Variants in DLC1 observed in about 807,000 individuals in gnomAD.
DLC1 encodes rho GTPase-activating protein 7.
Under a neutral mutation model 140.3 loss-of-function variants are expected in DLC1, and 54 were observed. The ratio of observed to expected loss-of-function variants is 0.38; its 90% CI spans 0.31 to 0.48. The LOEUF is 0.48. DLC1 is among the 20% of genes least tolerant of loss of function. The probability of loss-of-function intolerance (pLI) is 0.96; values close to 1 mark genes in which losing one functional copy is unlikely to be tolerated. For missense variants in DLC1, 2,536 were observed against 1,907.0 expected (o/e 1.33, Z -6.14); for synonymous variants, 986 against 728.1 (o/e 1.35, Z -5.70).
intron 5 of DLC1, among the ~76,000 whole-genome samples, chr8:13,275,292 G>T (rs1831114855): frequency 6.6e-6 from 1 of 152,212 alleles, no homozygotes; most frequent in African/African-American, 2.4e-5. Flanking sequence ...GGACAATTAT[G>T]TGAAAATCAA....
chr8:13,209,543 A>T (rs1174147977), intron 5 of DLC1, among the ~76,000 whole-genome samples: 1 of 152,104 alleles, frequency 6.6e-6, no homozygotes, highest in African/African-American at 2.4e-5. Context: ...TACAGTTTGG[A>T]TGTTGTCCCT....
rs74684950 is a variant in DLC1 at position 13,540,692 on chromosome 8, G to T, written c.-125-40496C>A. ...CTGAAGTATGGCACTAATTATTTCT[G>T]AGATTAGTAATGAGGCTGTGAAGAC... On this transcript the variant is annotated intron_variant, in intron 1 of 1. Coordinates refer to the DLC1 transcript ENST00000631382. Among the ~76,000 whole-genome samples, 488 of 152,278 alleles carry T rather than the reference G, an allele frequency of 3.2e-3. 3 individuals are homozygous for T. The highest frequency in any genetic ancestry group is 0.011 in the African/African-American group (466 of 41,554).
chr8:13,136,295 A>G (rs561606866), intron 5 of DLC1, among the ~76,000 whole-genome samples: 1 of 152,268 alleles, frequency 6.6e-6, no homozygotes, highest in South Asian at 2.1e-4. Flanking sequence ...TACTAATCAT[A>G]GTACCTAACA....
intron 5 of DLC1, among the ~76,000 whole-genome samples, chr8:13,153,592 G>C (rs771972403): frequency 1.3e-5 from 2 of 152,188 alleles, no homozygotes; most frequent in African/African-American, 2.4e-5. Flanking sequence ...TTTACAGAGA[G>C]CTGATTGGTT....
At chr8:13,429,456 A>T (rs1333332311) in intron 2 of DLC1, among the ~76,000 whole-genome samples, 1 of 152,142 alleles carries the variant, frequency 6.6e-6, no homozygotes, top group Non-Finnish European at 1.5e-5. Flanking sequence ...CAAACAAAAA[A>T]CTTTTTGTAG....
At chr8:13,225,427 C>T (rs1195016727) in intron 5 of DLC1, among the ~76,000 whole-genome samples, 1 of 152,092 alleles carries the variant, frequency 6.6e-6, no homozygotes, top group Non-Finnish European at 1.5e-5. Context: ...CATTCACCCC[C>T]TTCCCCCTGC....
chr8:13,433,226 T>A (rs1484679818), intron 2 of DLC1, among the ~76,000 whole-genome samples: 1 of 151,250 alleles, frequency 6.6e-6, no homozygotes, highest in African/African-American at 2.4e-5. Flanking sequence ...CTTGAAGGAG[T>A]TTTTTGACCC....
intron 5 of DLC1, among the ~76,000 whole-genome samples, chr8:13,288,524 C>T (rs1276719985): frequency 6.6e-6 from 1 of 152,190 alleles, no homozygotes; most frequent in Non-Finnish European, 1.5e-5. Flanking sequence ...CTAGAAATGC[C>T]TCAGATCTTC....
intron 7 of DLC1, among the ~76,000 whole-genome samples, chr8:13,103,339 TAAATA>T (rs902035458): frequency 2.6e-5 from 4 of 151,058 alleles, no homozygotes; most frequent in Admixed American, 6.6e-5. Flanking sequence ...AATAAATAAA[TAAATA>T]AATAAATAAA....
chr8:13,515,640 A>T (rs1802563016), upstream of DLC1: 1 of 152,174 alleles, frequency 6.6e-6, no homozygotes, highest in Non-Finnish European at 1.5e-5. Context: ...TCCGTCACAA[A>T]TTTTGTGAAC....
chr8:13,284,386 G>T (rs981429177), intron 5 of DLC1, among the ~76,000 whole-genome samples: 1 of 152,038 alleles, frequency 6.6e-6, no homozygotes, highest in African/African-American at 2.4e-5. Context: ...AATTAGCTGG[G>T]CGTGGTGGCG....
At chr8:13,528,308 A>G (rs953830171) in intron 1 of DLC1, among the ~76,000 whole-genome samples, 7 of 152,144 alleles carry the variant, frequency 4.6e-5, no homozygotes, top group African/African-American at 1.7e-4. Context: ...AATTTCAATG[A>G]CCAGGTTTTC....
chr8:13,453,466 A>G (rs1799222865), intron 2 of DLC1, among the ~76,000 whole-genome samples: 1 of 28,574 alleles, frequency 3.5e-5, no homozygotes, highest in South Asian at 1.3e-3. Flanking sequence ...ATATGTATAT[A>G]TATACATATA....
intron 4 of DLC1, among the ~76,000 whole-genome samples, chr8:13,345,851 A>T (rs548113951): frequency 1.3e-3 from 197 of 152,242 alleles, no homozygotes; most frequent in African/African-American, 4.3e-3. Flanking sequence ...CAGCCGCTGC[A>T]TCTGGCCATT....
chr8:13,582,469 C>A (rs1486247080), intron 1 of DLC1, among the ~76,000 whole-genome samples: 1 of 152,028 alleles, frequency 6.6e-6, no homozygotes, highest in Non-Finnish European at 1.5e-5. Flanking sequence ...TAATCAGCTG[C>A]CAGCAAATAT....
At chr8:13,378,784 C>T (rs937079859) in intron 4 of DLC1, among the ~76,000 whole-genome samples, 5 of 152,084 alleles carry the variant, frequency 3.3e-5, no homozygotes, top group African/African-American at 1.2e-4. Context: ...TCTAGAGATG[C>T]AGAAAAGAGC....
intron 2 of DLC1, among the ~76,000 whole-genome samples, chr8:13,481,261 C>CA (rs1234305703): frequency 1.3e-5 from 2 of 151,918 alleles, no homozygotes; most frequent in African/African-American, 4.8e-5. Context: ...CCCATCTCCT[C>CA]AAAAAAATAC....
At position 13,084,191 on chromosome 8, in the gene DLC1, T is replaced by C. The variant is rs1359305434; in HGVS notation, c.*1620A>G. The C allele has an allele frequency of 6.6e-6, 1 of 152,616 alleles. No individual in the cohort carries two copies. The highest frequency in any genetic ancestry group is 1.5e-5 in the Non-Finnish European group (1 of 68,032). The allele number at this position is 152,616 out of a possible 1,614,324, so 9.5% of individuals were successfully genotyped here. On this transcript the variant is annotated 3_prime_UTR_variant, in exon 18 of 18. Transcript: ENST00000276297. Reference sequence around the variant, plus strand: ...ACATGTTTCTTAATAGAATGGTATATACAACATACAATCTTACAAATCTGG... The same window carrying C: ...ACATGTTTCTTAATAGAATGGTATACACAACATACAATCTTACAAATCTGG...
At chr8:13,583,154 G>A (rs1805175739) in intron 1 of DLC1, among the ~76,000 whole-genome samples, 1 of 151,806 alleles carries the variant, frequency 6.6e-6, no homozygotes, top group Non-Finnish European at 1.5e-5. Flanking sequence ...ATCAATAGTT[G>A]ATTCTTCCTT....
Sources: gnomAD v4.1 joint callset for allele counts (sites outside exome capture counted in the v4.1 genomes callset) on GRCh38, gnomAD v4.1.1 for gene constraint, MANE v1.5 for transcripts, NCBI Gene and HGNC (gene_info 2026-07-23, HGNC 2026-07-21) for gene names.